PPHLN1: variants seen among roughly 807,000 people sequenced by gnomAD.
PPHLN1 encodes the protein periphilin 1, also known as periphilin-1.
In PPHLN1, 29 loss-of-function variants were observed where a neutral mutation model predicts 51.3. That is an observed-to-expected ratio of 0.57 (90% CI 0.42 to 0.77). PPHLN1 has a LOEUF of 0.77. Among genes scored for constraint, PPHLN1 ranks in the 30% least tolerant of loss-of-function variants. The pLI is 0.00. For synonymous variants in PPHLN1, 147 were observed against 147.8 expected (o/e 0.99, Z 0.04); for missense variants, 436 against 438.4 (o/e 0.99, Z 0.05).
chr12:42,348,889 A>T (rs116603851), intron 2 of PPHLN1, among the ~76,000 whole-genome samples: 1 of 152,156 alleles, frequency 6.6e-6, no homozygotes, highest in Non-Finnish European at 1.5e-5. Flanking sequence ...TAGAAGAATG[A>T]GTCAGTATAT....
intron 6 of PPHLN1, among the ~76,000 whole-genome samples, chr12:42,386,523 G>A (rs2077205580): frequency 6.6e-6 from 1 of 152,096 alleles, no homozygotes; most frequent in Non-Finnish European, 1.5e-5. Context: ...TTTTATCTCT[G>A]CTTTTGCTCT....
At chr12:42,357,330 T>C (rs757273515) in intron 4 of PPHLN1, among the ~76,000 whole-genome samples, 6 of 152,150 alleles carry the variant, frequency 3.9e-5, no homozygotes, top group Admixed American at 1.3e-4. Flanking sequence ...ATGGCAAAAA[T>C]GCCTTGAAAA....
chr12:42,442,561 G>A (rs528800637), downstream of PPHLN1: 31 of 1,585,266 alleles, frequency 2.0e-5, 1 homozygote, highest in South Asian at 2.6e-4. Context: ...TTTGGGCTGC[G>A]CTAAAGCCGG....
intron 9 of PPHLN1, among the ~76,000 whole-genome samples, chr12:42,439,570 A>G (rs1246132244): frequency 6.6e-6 from 1 of 152,242 alleles, no homozygotes; most frequent in Non-Finnish European, 1.5e-5. Context: ...ACTGGAGTGC[A>G]GTGGCACGAT....
At chr12:42,326,748 T>C (rs1016627933) in intron 1 of PPHLN1, among the ~76,000 whole-genome samples, 5 of 152,196 alleles carry the variant, frequency 3.3e-5, no homozygotes, top group African/African-American at 1.2e-4. Context: ...CTATAATGGC[T>C]ACGCACTGCT....
chr12:42,351,383 A>G (rs2073332590), intron 2 of PPHLN1: 1 of 152,174 alleles, frequency 6.6e-6, no homozygotes, highest in Admixed American at 6.5e-5. Context: ...TGTAAAGCCA[A>G]TCTCCTCCCT....
At position 42,413,358 on chromosome 12, in the gene PPHLN1, T is replaced by G. The variant is rs183578831; in HGVS notation, c.909+14364T>G. On this transcript the variant is annotated intron_variant, in intron 9 of 9. Coordinates refer to ENST00000358314, the MANE Select transcript of PPHLN1 (RefSeq NM_201439.2). ...TGGCTATCCAGTTTTTCCAGCACCA[T>G]TTATGCATAGGGTGTCCTTTCCTGA... is the stretch of plus-strand genomic sequence containing the variant. Among the ~76,000 whole-genome samples, 399 of 152,304 alleles carry G rather than the reference T, an allele frequency of 2.6e-3. 1 individual carries two copies. Among genetic ancestry groups the G allele is most frequent in the African/African-American group, 9.2e-3 (381 of 41,568 alleles).
At chr12:42,367,309 A>G (rs1320111984) in intron 4 of PPHLN1, among the ~76,000 whole-genome samples, 1 of 152,212 alleles carries the variant, frequency 6.6e-6, no homozygotes, top group East Asian at 1.9e-4. Flanking sequence ...AGTGCACATG[A>G]TGTTAGTTTT....
chr12:42,426,172 C>CCCCA (rs2081440907), intron 9 of PPHLN1, among the ~76,000 whole-genome samples: 1 of 122,126 alleles, frequency 8.2e-6, no homozygotes, highest in African/African-American at 3.5e-5. Flanking sequence ...AGACTTGACA[C>CCCCA]CACACACACA....
intron 7 of PPHLN1, among the ~76,000 whole-genome samples, chr12:42,389,918 C>T (rs1479130946): frequency 6.6e-6 from 1 of 152,168 alleles, no homozygotes; most frequent in Non-Finnish European, 1.5e-5. Context: ...CTACCCCTCA[C>T]TATACCATTC....
chr12:42,405,497 G>A (rs1445319266), intron 9 of PPHLN1, among the ~76,000 whole-genome samples: 2 of 152,222 alleles, frequency 1.3e-5, no homozygotes, highest in African/African-American at 4.8e-5. Flanking sequence ...GTGAATTGAT[G>A]ATTGTCTAAT....
Position 42,375,013 on chromosome 12 carries a change from T to C in PPHLN1, c.450T>C (p.Ser150=). ...ACAGCAGATCTGGTTCCAGTGTCAGTAGCAGAAGCTACTCTCCAGAAAGGA... is the reference window on the plus strand; with the variant it reads ...ACAGCAGATCTGGTTCCAGTGTCAGCAGCAGAAGCTACTCTCCAGAAAGGA... ...SPHSRSGSSV[S]SRSYSPERSK... is the part of the protein sequence containing the mutation. The change falls in exon 5 of 10, where the codon AGT becomes AGC. Residue 150 remains serine (S), a synonymous_variant. Coordinates refer to ENST00000358314, the MANE Select transcript of PPHLN1 (RefSeq NM_201439.2). The C allele has an allele frequency of 6.2e-7, 1 of 1,613,980 alleles. No individual in the cohort carries two copies. Among genetic ancestry groups the C allele is most frequent in the East Asian group, 2.2e-5 (1 of 44,854 alleles).
chr12:42,366,662 C>T (rs1334024521), intron 4 of PPHLN1, among the ~76,000 whole-genome samples: 3 of 151,978 alleles, frequency 2.0e-5, no homozygotes, highest in Non-Finnish European at 2.9e-5. Flanking sequence ...GTGCTGGAAT[C>T]ACAGGCCTGA....
intron 9 of PPHLN1, among the ~76,000 whole-genome samples, chr12:42,422,853 C>T (rs1592916002): frequency 6.6e-6 from 1 of 152,140 alleles, no homozygotes; most frequent in East Asian, 1.9e-4. Context: ...TGACTGGATT[C>T]CTACCTCAAA....
At chr12:42,378,073 G>GCTAT (rs146843567) in intron 5 of PPHLN1, among the ~76,000 whole-genome samples, 1 of 150,898 alleles carries the variant, frequency 6.6e-6, no homozygotes, top group African/African-American at 2.4e-5. Context: ...CCTGCATCTA[G>GCTAT]CTATCTATCT....
At chr12:42,332,581 AT>A in intron 1 of PPHLN1, 2 of 942,966 alleles carry the variant, frequency 2.1e-6, no homozygotes, top group Non-Finnish European at 3.4e-6. Flanking sequence ...TATACAATTA[AT>A]GAAGATTTAA....
chr12:42,367,046 GCTTTTAATT>G (rs1245356772), intron 4 of PPHLN1, among the ~76,000 whole-genome samples: 1 of 152,252 alleles, frequency 6.6e-6, no homozygotes, highest in Non-Finnish European at 1.5e-5. Context: ...GTTGCAGAAT[GCTTTTAATT>G]CTTTCTCATT....
chr12:42,393,378 T>C (rs1228408676), intron 7 of PPHLN1, among the ~76,000 whole-genome samples, 192 bp from the exon 8 acceptor site: 1 of 152,146 alleles, frequency 6.6e-6, no homozygotes, highest in Non-Finnish European at 1.5e-5. Flanking sequence ...CTGGTCTATA[T>C]GTCCCAAAGG....
rs192225672 is a variant in PPHLN1, at chr12:42,416,594, G to A, written c.909+17600G>A. 1.7e-3 allele frequency among the ~76,000 whole-genome samples: 264 copies of A among 152,174 alleles called. 3 individuals carry two copies. Among genetic ancestry groups the A allele is most frequent in the Non-Finnish European group, 5.3e-4 (36 of 68,020 alleles). On this transcript the variant is annotated intron_variant, in intron 9 of 9. Transcript: ENST00000358314. Reference sequence around the variant, plus strand: ...ATGCTAGAACAACTCACGGAATTCAGGAGAGTGTTATACTTATGAATACAG... The same window carrying A: ...ATGCTAGAACAACTCACGGAATTCAAGAGAGTGTTATACTTATGAATACAG...
Sources: allele counts gnomAD v4.1 joint callset (sites outside exome capture counted in the v4.1 genomes callset), GRCh38; gene constraint gnomAD v4.1.1; transcripts MANE v1.5; gene names NCBI Gene and HGNC (gene_info 2026-07-23, HGNC 2026-07-21).